The following CDH8 variants were observed in gnomAD, a reference collection of about 807,000 sequenced individuals.
The protein encoded by CDH8 is cadherin-8.
In CDH8, 17 loss-of-function variants were observed where a neutral mutation model predicts 68.1. The observed-to-expected ratio is 0.25, with a 90% confidence interval of 0.17 to 0.37. The LOEUF (loss-of-function observed/expected upper bound fraction) is 0.37. Among genes scored for constraint, CDH8 ranks in the 10% least tolerant of loss-of-function variants. The probability of loss-of-function intolerance (pLI) is 1.00; values close to 1 mark genes in which losing one functional copy is unlikely to be tolerated. For synonymous variants in CDH8, 372 were observed against 365.1 expected, an observed-to-expected ratio of 1.02 and a Z score of -0.21; for missense variants, 763 against 999.3, an observed-to-expected ratio of 0.76 and a Z score of 3.19.
intron 2 of CDH8, among the ~76,000 whole-genome samples, chr16:61,906,817 A>T (rs1964070177): frequency 6.6e-6 from 1 of 152,234 alleles, no homozygotes; most frequent in South Asian, 2.1e-4. Context: ...CTAAAATCTT[A>T]TCTGCTATAA....
chr16:61,904,130 A>G (rs575206401), intron 2 of CDH8, among the ~76,000 whole-genome samples: 1 of 152,286 alleles, frequency 6.6e-6, no homozygotes, highest in Non-Finnish European at 1.5e-5. Context: ...AGACATGTAC[A>G]TACTCTTGCA....
chr16:61,807,535 T>G (rs886674957), intron 7 of CDH8, among the ~76,000 whole-genome samples: 1 of 152,078 alleles, frequency 6.6e-6, no homozygotes, highest in Admixed American at 6.5e-5. Flanking sequence ...TCAGTAAAAT[T>G]ACTTCATTAC....
intron 10 of CDH8, among the ~76,000 whole-genome samples, chr16:61,662,087 G>GTTTTTTTTTTTTTTTTTTGTTTTTTTT: frequency 3.2e-5 from 3 of 92,790 alleles, no homozygotes; most frequent in East Asian, 3.6e-4. Flanking sequence ...TTTTACTTTA[G>GTTTTTTTTTTTTTTTTTTGTTTTTTTT]TTTTTTTTTT....
intron 10 of CDH8, among the ~76,000 whole-genome samples, chr16:61,689,959 G>A (rs1039901620): frequency 6.6e-6 from 1 of 151,988 alleles, no homozygotes; most frequent in African/African-American, 2.4e-5. Context: ...GATTTAGACT[G>A]TCTTTCCTTT....
intron 5 of CDH8, among the ~76,000 whole-genome samples, chr16:61,821,664 C>G (rs1962218102): frequency 6.6e-6 from 1 of 152,046 alleles, no homozygotes; most frequent in Non-Finnish European, 1.5e-5. Flanking sequence ...AAACACTCCT[C>G]TTGTTGCTAA....
chr16:61,819,927 A>G (rs1308744790), intron 6 of CDH8, among the ~76,000 whole-genome samples: 1 of 152,104 alleles, frequency 6.6e-6, no homozygotes, highest in Non-Finnish European at 1.5e-5. Context: ...AATAATCAGG[A>G]TGAGGATCAA....
intron 10 of CDH8, among the ~76,000 whole-genome samples, chr16:61,682,678 CAT>C (rs1964036502): frequency 2.0e-5 from 3 of 147,562 alleles, no homozygotes; most frequent in South Asian, 2.1e-4. Context: ...AAAAAAAAAA[CAT>C]GTGTTTTGGC....
intron 7 of CDH8, among the ~76,000 whole-genome samples, chr16:61,810,348 T>C (rs1300377086): frequency 6.6e-6 from 1 of 152,200 alleles, no homozygotes; most frequent in Non-Finnish European, 1.5e-5. Context: ...ACTGCTTTAA[T>C]AAATAATATT....
intron 8 of CDH8, among the ~76,000 whole-genome samples, chr16:61,782,194 G>C (rs944785828): frequency 1.3e-5 from 2 of 152,152 alleles, no homozygotes; most frequent in African/African-American, 4.8e-5. Context: ...CATCTCACTA[G>C]GGAGTGCCAG....
At chr16:61,953,926 T>TATAA (rs1366207636) in intron 2 of CDH8, among the ~76,000 whole-genome samples, 2 of 118,980 alleles carry the variant, frequency 1.7e-5, no homozygotes, top group Non-Finnish European at 3.6e-5. Flanking sequence ...TATATATATA[T>TATAA]AAAATACCTT....
intron 4 of CDH8, among the ~76,000 whole-genome samples, chr16:61,852,556 C>T (rs753680523): frequency 3.9e-5 from 6 of 152,000 alleles, no homozygotes; most frequent in Non-Finnish European, 8.8e-5. Context: ...TGCCTAGACA[C>T]TTAAAACATA....
chr16:61,717,821 T>A (rs1024483551), intron 9 of CDH8, among the ~76,000 whole-genome samples: 21 of 151,466 alleles, frequency 1.4e-4, no homozygotes, highest in African/African-American at 4.8e-4. Flanking sequence ...AAGTAATGGA[T>A]GAATAATAAA....
chr16:61,858,128 C>T (rs900957958), intron 3 of CDH8, among the ~76,000 whole-genome samples: 7 of 151,798 alleles, frequency 4.6e-5, no homozygotes, highest in Non-Finnish European at 1.0e-4. Flanking sequence ...TCAAAAAGCT[C>T]GCAGTTCGAG....
intron 10 of CDH8, among the ~76,000 whole-genome samples, chr16:61,702,373 A>G (rs1964447736): frequency 6.8e-6 from 1 of 146,082 alleles, no homozygotes; most frequent in South Asian, 2.2e-4. Flanking sequence ...CTCCGTCTCA[A>G]AAAAAGAAAA....
At chr16:62,018,048 C>A (rs185843947) in intron 2 of CDH8, among the ~76,000 whole-genome samples, 1 of 152,284 alleles carries the variant, frequency 6.6e-6, no homozygotes, top group South Asian at 2.1e-4. Context: ...ATATAGCAGG[C>A]ACTATGCTTC....
intron 6 of CDH8, among the ~76,000 whole-genome samples, chr16:61,820,621 C>T (rs912936118): frequency 2.0e-5 from 3 of 151,948 alleles, no homozygotes; most frequent in African/African-American, 4.8e-5. Context: ...AGGATGTTGA[C>T]TTCCCCACAT....
chr16:62,030,627 A>AT, intron 1 of CDH8, among the ~76,000 whole-genome samples: 1 of 152,236 alleles, frequency 6.6e-6, no homozygotes, highest in South Asian at 2.1e-4. Context: ...AAATAATCAT[A>AT]TTTTATTCAT....
In CDH8 at chr16:62,021,697, T is replaced by C. The variant is rs573182353; in HGVS notation, c.-199-95A>G. 2.6e-5 allele frequency: 14 copies of C among 542,912 alleles called. No homozygotes were observed. In the South Asian group the frequency reaches 7.9e-4, roughly 31 times the overall value. 33.6% of individuals were successfully genotyped at this position (542,912 alleles called of 1,614,324 possible). ...CAAAAGCACCTGAAGTGAACAATAG[T>C]AGGCACTTCTCAAACTCTTGAGTTA... On this transcript the variant is annotated intron_variant, in intron 1 of 11. Coordinates refer to ENST00000577390, the MANE Select transcript of CDH8 (RefSeq NM_001796.5).
At chr16:61,929,082 T>G (rs1224272182) in intron 2 of CDH8, among the ~76,000 whole-genome samples, 1 of 152,102 alleles carries the variant, frequency 6.6e-6, no homozygotes. Flanking sequence ...CTAATTTTTT[T>G]GTATTTTTAG....
Sources: allele counts gnomAD v4.1 joint callset (sites outside exome capture counted in the v4.1 genomes callset), GRCh38; gene constraint gnomAD v4.1.1; transcripts MANE v1.5; gene names NCBI Gene and HGNC (gene_info 2026-07-23, HGNC 2026-07-21).